Variants in HS6ST3 observed in about 807,000 individuals in gnomAD.
The protein encoded by HS6ST3 is heparan sulfate 6-O-sulfotransferase 3, also known as heparan-sulfate 6-O-sulfotransferase 3.
A neutral mutation model predicts 36.7 loss-of-function variants in HS6ST3; 12 were observed. That is an observed-to-expected ratio of 0.33 (90% CI 0.21 to 0.53). HS6ST3 has a LOEUF of 0.53. Among genes scored for constraint, HS6ST3 ranks in the 20% least tolerant of loss-of-function variants. The pLI is 0.95. For missense variants in HS6ST3, 584 were observed against 640.9 expected, an observed-to-expected ratio of 0.91 and a Z score of 0.96; for synonymous variants, 240 against 257.5, an observed-to-expected ratio of 0.93 and a Z score of 0.65.
intron 1 of HS6ST3, among the ~76,000 whole-genome samples, chr13:96,264,999 A>T (rs1324962078): frequency 6.6e-6 from 1 of 152,172 alleles, no homozygotes; most frequent in Non-Finnish European, 1.5e-5. Flanking sequence ...ATATAGAATG[A>T]CATTGTGGTA....
chr13:96,337,853 C>CT lies in HS6ST3; in HGVS notation c.707+246285dup, dbSNP rs1187906461. ...TTTCTTATAATTTATCCCCTAGAGTCTAACTTTTTAACCCAGTTTCTAGAA... is the reference window on the plus strand; with the variant it reads ...TTTCTTATAATTTATCCCCTAGAGTCTTAACTTTTTAACCCAGTTTCTAGAA... On this transcript the variant is annotated intron_variant, in intron 1 of 1. Coordinates refer to ENST00000376705, the MANE Select transcript of HS6ST3 (RefSeq NM_153456.4). Among the ~76,000 whole-genome samples, 4 of 151,784 alleles carry CT rather than the reference C, an allele frequency of 2.6e-5. No individual in the cohort carries two copies. The East Asian group carries it at 7.7e-4, about 29-fold the overall frequency.
chr13:96,413,944 C>T (rs1311329372), intron 1 of HS6ST3, among the ~76,000 whole-genome samples: 2 of 152,172 alleles, frequency 1.3e-5, no homozygotes, highest in East Asian at 3.8e-4. Context: ...ATTCTGAATG[C>T]ATTTCATGTT....
At chr13:96,545,421 T>G (rs2056194188) in intron 1 of HS6ST3, among the ~76,000 whole-genome samples, 1 of 152,140 alleles carries the variant, frequency 6.6e-6, no homozygotes, top group Non-Finnish European at 1.5e-5. Flanking sequence ...AGACTATGCT[T>G]TTGAAAAACC....
At chr13:96,163,681 A>G (rs1021563779) in intron 1 of HS6ST3, among the ~76,000 whole-genome samples, 2 of 152,216 alleles carry the variant, frequency 1.3e-5, no homozygotes, top group Non-Finnish European at 2.9e-5. Flanking sequence ...AGGTATAATG[A>G]TATTTAATAT....
At chr13:96,283,076 A>G (rs1331964706) in intron 1 of HS6ST3, among the ~76,000 whole-genome samples, 2 of 152,230 alleles carry the variant, frequency 1.3e-5, no homozygotes, top group East Asian at 1.9e-4. Context: ...AGCATCTGCT[A>G]TCCCAGACTC....
intron 1 of HS6ST3, among the ~76,000 whole-genome samples, chr13:96,829,726 A>C (rs188780321): frequency 6.6e-6 from 1 of 152,302 alleles, no homozygotes; most frequent in Admixed American, 6.5e-5. Context: ...TATCCAGTCT[A>C]TCATTGATGA....
chr13:96,278,543 G>T (rs2054759637), intron 1 of HS6ST3, among the ~76,000 whole-genome samples: 1 of 152,116 alleles, frequency 6.6e-6, no homozygotes, highest in Admixed American at 6.6e-5. Flanking sequence ...AAATTGAAGA[G>T]AAAAAATCCA....
chr13:96,289,688 T>C (rs573924449), intron 1 of HS6ST3, among the ~76,000 whole-genome samples: 5 of 152,164 alleles, frequency 3.3e-5, no homozygotes, highest in African/African-American at 9.7e-5. Context: ...CTAGAAGCTA[T>C]TAAAGAAAAC....
At chr13:96,661,471 T>C (rs934401296) in intron 1 of HS6ST3, among the ~76,000 whole-genome samples, 7 of 152,166 alleles carry the variant, frequency 4.6e-5, no homozygotes, top group African/African-American at 1.7e-4. Flanking sequence ...AACATTTTAC[T>C]TTGAGTCTGT....
At chr13:96,816,440 A>G (rs1457207071) in intron 1 of HS6ST3, among the ~76,000 whole-genome samples, 1 of 152,222 alleles carries the variant, frequency 6.6e-6, no homozygotes, top group African/African-American at 2.4e-5. Flanking sequence ...TTCACAACAG[A>G]AGAATTTGCT....
At chr13:96,408,274 C>A (rs1160644914) in intron 1 of HS6ST3, among the ~76,000 whole-genome samples, 1 of 151,986 alleles carries the variant, frequency 6.6e-6, no homozygotes, top group Non-Finnish European at 1.5e-5. Flanking sequence ...AAAGTATGAT[C>A]AATTCCCCTC....
intron 1 of HS6ST3, among the ~76,000 whole-genome samples, chr13:96,606,970 A>C (rs2056441402): frequency 6.6e-6 from 1 of 152,196 alleles, no homozygotes; most frequent in Non-Finnish European, 1.5e-5. Flanking sequence ...TGAAGACAAG[A>C]AAAGAAATTG....
intron 1 of HS6ST3, among the ~76,000 whole-genome samples, chr13:96,269,462 A>G (rs1451664817): frequency 6.6e-6 from 1 of 152,010 alleles, no homozygotes; most frequent in African/African-American, 2.4e-5. Flanking sequence ...ACTAAGCATC[A>G]ATAGCTTGTT....
At chr13:96,143,872 G>A (rs2054043721) in intron 1 of HS6ST3, among the ~76,000 whole-genome samples, 1 of 152,138 alleles carries the variant, frequency 6.6e-6, no homozygotes, top group Non-Finnish European at 1.5e-5. Context: ...GAAGAAGCAA[G>A]TTAGATGAGT....
chr13:96,508,981 G>A (rs1378781473), intron 1 of HS6ST3, among the ~76,000 whole-genome samples: 1 of 152,064 alleles, frequency 6.6e-6, no homozygotes, highest in Non-Finnish European at 1.5e-5. Flanking sequence ...TAGAATATAT[G>A]CGTTCCCTTC....
chr13:96,560,150 G>T (rs1035807515), intron 1 of HS6ST3, among the ~76,000 whole-genome samples: 1 of 152,200 alleles, frequency 6.6e-6, no homozygotes. Context: ...GAAAGTGCTA[G>T]TGTGGGGCTT....
chr13:96,329,160 G>T (rs367951193), intron 1 of HS6ST3, among the ~76,000 whole-genome samples: 2 of 146,646 alleles, frequency 1.4e-5, no homozygotes, highest in Admixed American at 6.7e-5. Context: ...TTTTTGAAGC[G>T]TTTTTTGTGT....
intron 1 of HS6ST3, among the ~76,000 whole-genome samples, chr13:96,380,856 G>A (rs549267857): frequency 5.9e-5 from 9 of 152,218 alleles, no homozygotes; most frequent in East Asian, 5.8e-4. Flanking sequence ...AAAGAAATGC[G>A]TAAGACCTGA....
intron 1 of HS6ST3, among the ~76,000 whole-genome samples, chr13:96,642,466 A>G (rs563941907): frequency 3.9e-5 from 6 of 151,976 alleles, no homozygotes; most frequent in East Asian, 3.9e-4. Context: ...TTCTTTGAAT[A>G]TTCTTTCTGC....
Sources: allele counts gnomAD v4.1 joint callset (sites outside exome capture counted in the v4.1 genomes callset), GRCh38; gene constraint gnomAD v4.1.1; transcripts MANE v1.5; gene names NCBI Gene and HGNC (gene_info 2026-07-23, HGNC 2026-07-21).